The following PPARGC1A variants were observed in gnomAD, a reference collection of about 807,000 sequenced individuals.
The protein encoded by PPARGC1A is peroxisome proliferator-activated receptor gamma coactivator 1-alpha.
PPARGC1A carries 25 observed loss-of-function variants against 88.7 expected under a neutral mutation model. That is an observed-to-expected ratio of 0.28 (90% CI 0.21 to 0.39). PPARGC1A has a LOEUF of 0.39. Ranked by LOEUF, PPARGC1A falls within the 10% of genes least tolerant of loss-of-function variation. PPARGC1A has a pLI of 1.00. For missense variants in PPARGC1A, 880 were observed against 968.7 expected, an observed-to-expected ratio of 0.91 and a Z score of 1.22; for synonymous variants, 363 against 355.6, an observed-to-expected ratio of 1.02 and a Z score of -0.24.
the PPARGC1A span, among the ~76,000 whole-genome samples, chr4:24,010,949 G>GAA: frequency 5.7e-3 from 870 of 152,232 alleles, 7 homozygotes; most frequent in African/African-American, 0.02. Flanking sequence ...GCATCATACA[G>GAA]AAATTCAGGG....
chr4:24,202,755 C>T, the PPARGC1A span, among the ~76,000 whole-genome samples: 2 of 152,308 alleles, frequency 1.3e-5, no homozygotes, highest in South Asian at 4.1e-4. Context: ...CTGCCAGGCT[C>T]CTCTTGCCAC....
At chr4:24,242,281 C>A in the PPARGC1A span, among the ~76,000 whole-genome samples, 1 of 152,194 alleles carries the variant, frequency 6.6e-6, no homozygotes, top group Non-Finnish European at 1.5e-5. Flanking sequence ...CTGGTGTGGT[C>A]TATAGGGCTC....
the PPARGC1A span, among the ~76,000 whole-genome samples, chr4:23,913,242 T>TATA: frequency 1.1e-5 from 1 of 94,634 alleles, no homozygotes; most frequent in Non-Finnish European, 2.0e-5. Flanking sequence ...ATTATATATT[T>TATA]TATATATATA....
the PPARGC1A span, among the ~76,000 whole-genome samples, chr4:23,915,644 C>T: frequency 5.9e-5 from 9 of 152,234 alleles, no homozygotes; most frequent in South Asian, 2.1e-4. Flanking sequence ...ATGCCTGGCA[C>T]GTGGCAAATG....
chr4:24,414,663 T>C, the PPARGC1A span, among the ~76,000 whole-genome samples: 1 of 152,224 alleles, frequency 6.6e-6, no homozygotes, highest in African/African-American at 2.4e-5. Context: ...ATATAGGTAC[T>C]TTTTTAAAGC....
the PPARGC1A span, among the ~76,000 whole-genome samples, chr4:24,429,226 G>C: frequency 1.3e-5 from 2 of 151,998 alleles, no homozygotes; most frequent in African/African-American, 4.8e-5. Context: ...TTTCTGTGCT[G>C]TGTATACACT....
chr4:24,192,419 C>A, the PPARGC1A span, among the ~76,000 whole-genome samples: 2 of 152,164 alleles, frequency 1.3e-5, no homozygotes, highest in South Asian at 2.1e-4. Context: ...TATTAGATTA[C>A]GTCAGTAGTT....
chr4:24,284,346 G>A, the PPARGC1A span, among the ~76,000 whole-genome samples: 18 of 152,104 alleles, frequency 1.2e-4, no homozygotes, highest in East Asian at 1.2e-3. Context: ...CAAAAAATGC[G>A]TACTCAAAGT....
the PPARGC1A span, among the ~76,000 whole-genome samples, chr4:23,920,510 T>C: frequency 6.6e-6 from 1 of 152,202 alleles, no homozygotes. Flanking sequence ...AGCTTGGTGA[T>C]GGATTGAAGG....
chr4:23,921,029 T>C, the PPARGC1A span, among the ~76,000 whole-genome samples: 31 of 152,150 alleles, frequency 2.0e-4, no homozygotes, highest in African/African-American at 3.1e-4. Flanking sequence ...AAAGGGACAA[T>C]TGAGTCTCCC....
the PPARGC1A span, among the ~76,000 whole-genome samples, chr4:24,342,843 C>T: frequency 6.4e-4 from 98 of 152,302 alleles, no homozygotes; most frequent in African/African-American, 2.3e-3. Context: ...GCTCTGCTAG[C>T]TGATCAGGTA....
the PPARGC1A span, among the ~76,000 whole-genome samples, chr4:24,125,595 C>A: frequency 6.6e-6 from 1 of 152,158 alleles, no homozygotes; most frequent in Non-Finnish European, 1.5e-5. Context: ...TCCTTCCCTA[C>A]TTCTTATGCC....
the PPARGC1A span, among the ~76,000 whole-genome samples, chr4:24,249,596 G>T: frequency 1.3e-5 from 2 of 152,022 alleles, no homozygotes; most frequent in Non-Finnish European, 2.9e-5. Flanking sequence ...CAACTTGAGG[G>T]TTGAGAGTGA....
At chr4:24,229,357 C>A in the PPARGC1A span, among the ~76,000 whole-genome samples, 3 of 149,818 alleles carry the variant, frequency 2.0e-5, no homozygotes, top group Admixed American at 6.6e-5. Context: ...CCATGTTGGC[C>A]AGGCTGGTCT....
At chr4:23,985,779 G>A in the PPARGC1A span, among the ~76,000 whole-genome samples, 14 of 152,140 alleles carry the variant, frequency 9.2e-5, no homozygotes, top group African/African-American at 3.4e-4. Flanking sequence ...TCTTTATAAT[G>A]GTTCTAATTG....
chr4:24,311,709 G>T, the PPARGC1A span, among the ~76,000 whole-genome samples: 2 of 151,836 alleles, frequency 1.3e-5, no homozygotes, highest in Non-Finnish European at 2.9e-5. Flanking sequence ...GATGACAGGG[G>T]ACTGATTCGG....
At chr4:24,216,098 T>C in the PPARGC1A span, among the ~76,000 whole-genome samples, 8 of 151,408 alleles carry the variant, frequency 5.3e-5, no homozygotes, top group African/African-American at 1.7e-4. Flanking sequence ...CCCCACTGTC[T>C]GGAACAACCT....
the PPARGC1A span, among the ~76,000 whole-genome samples, chr4:24,312,831 T>G: frequency 1.3e-5 from 2 of 152,068 alleles, no homozygotes; most frequent in African/African-American, 4.8e-5. Context: ...AATTTTATCA[T>G]GAAGAATCCC....
the PPARGC1A span, among the ~76,000 whole-genome samples, chr4:24,362,196 A>T: frequency 6.6e-6 from 1 of 152,174 alleles, no homozygotes; most frequent in Non-Finnish European, 1.5e-5. Context: ...CACTTCAGAT[A>T]CAGGCTGTGA....
Sources: allele counts gnomAD v4.1 joint callset (sites outside exome capture counted in the v4.1 genomes callset), GRCh38; gene constraint gnomAD v4.1.1; transcripts MANE v1.5; gene names NCBI Gene and HGNC (gene_info 2026-07-23, HGNC 2026-07-21).